The following PLCXD2 variants were observed in gnomAD, a reference collection of about 807,000 sequenced individuals.
The protein encoded by PLCXD2 is PI-PLC X domain-containing protein 2.
Under a neutral mutation model 28.6 loss-of-function variants are expected in PLCXD2, and 21 were observed. The observed-to-expected ratio is 0.73, with a 90% CI of 0.52 to 1.06. The LOEUF (loss-of-function observed/expected upper bound fraction) is 1.06. PLCXD2 is among the 50% of genes least tolerant of loss of function. The pLI is 0.00. For synonymous variants in PLCXD2, 140 were observed against 150.1 expected, an observed-to-expected ratio of 0.93 and a Z score of 0.49; for missense variants, 369 against 376.7, an observed-to-expected ratio of 0.98 and a Z score of 0.17.
intron 1 of PLCXD2, chr3:111,676,955 C>G (rs1037591134): frequency 1.3e-5 from 2 of 152,190 alleles, no homozygotes; most frequent in East Asian, 3.9e-4. Flanking sequence ...ACTCTGACCC[C>G]GTGACTGTAG....
chr3:111,681,855 T>C (rs921068154), intron 1 of PLCXD2, among the ~76,000 whole-genome samples: 1 of 152,176 alleles, frequency 6.6e-6, no homozygotes, highest in African/African-American at 2.4e-5. Flanking sequence ...TACATCTCTC[T>C]CCTGCCTCTA....
chr3:111,698,085 C>T (rs1376266919), intron 1 of PLCXD2, among the ~76,000 whole-genome samples: 1 of 152,082 alleles, frequency 6.6e-6, no homozygotes, highest in Non-Finnish European at 1.5e-5. Flanking sequence ...GGTTTCATGG[C>T]TTTATTTAAA....
chr3:111,684,315 T>G (rs1940761010), intron 1 of PLCXD2, among the ~76,000 whole-genome samples: 1 of 125,208 alleles, frequency 8.0e-6, no homozygotes, highest in Non-Finnish European at 1.6e-5. Context: ...GCTGACAGAG[T>G]GAGACTCCAT....
At chr3:111,686,037 T>G (rs1940790226) in intron 1 of PLCXD2, among the ~76,000 whole-genome samples, 1 of 152,196 alleles carries the variant, frequency 6.6e-6, no homozygotes, top group African/African-American at 2.4e-5. Context: ...AGGGAAGGTT[T>G]AGTACCCTTT....
At position 111,675,351 on chromosome 3, in the gene PLCXD2, A is replaced by T. The variant is rs780318989; in HGVS notation, c.106A>T (p.Met36Leu). Residue 36 changes from methionine to leucine, a missense_variant, in exon 1 of 5, where the codon ATG becomes TTG. Transcript: ENST00000477665. ...ATCGGAGGTCTGCAATGCCGACTGGATGGCCTCGCTCCCCCCTCACCTCCA... is the reference window on the plus strand; with the variant it reads ...ATCGGAGGTCTGCAATGCCGACTGGTTGGCCTCGCTCCCCCCTCACCTCCA... 6.2e-7 allele frequency: 1 copy of T among 1,614,112 alleles called. No homozygotes were observed. The highest frequency in any genetic ancestry group is 1.3e-5 in the African/African-American group (1 of 75,008).
At chr3:111,700,451 T>G (rs1941025166) in intron 1 of PLCXD2, among the ~76,000 whole-genome samples, 1 of 152,194 alleles carries the variant, frequency 6.6e-6, no homozygotes, top group Non-Finnish European at 1.5e-5. Flanking sequence ...AAGGAGGGAC[T>G]TGTATGTCCA....
chr3:111,700,292 A>G (rs1941023098), intron 1 of PLCXD2, among the ~76,000 whole-genome samples: 1 of 152,368 alleles, frequency 6.6e-6, no homozygotes, highest in South Asian at 2.1e-4. Flanking sequence ...AACACCGTTA[A>G]TGACTGTTGA....
chr3:111,687,118 C>T (rs1940806292), intron 1 of PLCXD2, among the ~76,000 whole-genome samples: 1 of 152,210 alleles, frequency 6.6e-6, no homozygotes, highest in Non-Finnish European at 1.5e-5. Context: ...TGTATAGATG[C>T]ATTTAGTACC....
In PLCXD2 at chr3:111,707,923, C is replaced by T. The variant is rs767519997; in HGVS notation, c.164-3C>T. ...CTTTCCTCACCTGTATTCCTTTGTA[C>T]AGGCTCACATGATTCATTCAGCTAC... On this transcript the variant is annotated splice_polypyrimidine_tract_variant and splice_region_variant and intron_variant, in intron 1 of 4. Coordinates refer to ENST00000477665, the MANE Select transcript of PLCXD2 (RefSeq NM_001185106.1). The T allele has an allele frequency of 1.9e-6, 3 of 1,611,082 alleles. No individual in the cohort carries two copies. The South Asian group carries it at 3.3e-5, about 18-fold the overall frequency.
chr3:111,708,380 C>T lies in PLCXD2; in HGVS notation c.618C>T (p.Asn206=), dbSNP rs1439053972. The change falls in exon 2 of 5, where the codon AAC becomes AAT. Residue 206 remains asparagine, a synonymous_variant. Coordinates refer to ENST00000477665, the MANE Select transcript of PLCXD2 (RefSeq NM_001185106.1). ...CGCTGCGAACTCTGTGGGAGAAGAACTGCCAGGTAGGAGGGAAGGAGAGAT... is the reference window on the plus strand; with the variant it reads ...CGCTGCGAACTCTGTGGGAGAAGAATTGCCAGGTAGGAGGGAAGGAGAGAT... The T allele has an allele frequency of 6.2e-7, 1 of 1,612,746 alleles. No individual in the cohort carries two copies. The highest frequency in any genetic ancestry group is 1.3e-5 in the African/African-American group (1 of 74,870).
chr3:111,675,071 A>G lies in PLCXD2; in HGVS notation c.-175A>G. ...GGAGGCTGGGCCGGAGAGAGTGGGGACTGTGAGTGCTAGTGGGTAAGGATC... is the reference window on the plus strand; with the variant it reads ...GGAGGCTGGGCCGGAGAGAGTGGGGGCTGTGAGTGCTAGTGGGTAAGGATC... On this transcript the variant is annotated 5_prime_UTR_variant, in exon 1 of 5. Transcript: ENST00000477665. 1 of 650,260 alleles carries G rather than the reference A, an allele frequency of 1.5e-6. No individual in the cohort carries two copies. The highest frequency in any genetic ancestry group is 2.6e-6 in the Non-Finnish European group (1 of 379,900). 40.3% of individuals were successfully genotyped at this position (650,260 alleles called of 1,614,324 possible). A position where few individuals can be genotyped will look rare whatever the true frequency, so the allele number is the denominator to read the frequency against.
rs2107868745 is a variant in PLCXD2 at position 111,714,042 on chromosome 3, C to G, written c.780C>G (p.Phe260Leu). 1 of 1,614,160 alleles carries G rather than the reference C, an allele frequency of 6.2e-7. No homozygotes were observed. The highest frequency in any genetic ancestry group is 1.6e-4 in the Middle Eastern group (1 of 6,062). ...GTGAGCGGGCCTCACGGGGCTCCTT[C>G]CATGTCTCCCAAGCGATCCTCACCC... The change falls in exon 3 of 5, where the codon TTC (phenylalanine) becomes TTG (leucine). Residue 260 changes from phenylalanine (F) to leucine (L), a missense_variant. By Grantham distance (22) the Phe-to-Leu change is conservative. Transcript: ENST00000477665.
intron 3 of PLCXD2, among the ~76,000 whole-genome samples, chr3:111,715,000 A>C (rs1279324591): frequency 1.3e-5 from 2 of 152,208 alleles, no homozygotes; most frequent in Non-Finnish European, 2.9e-5. Context: ...ATAATGAAAG[A>C]TTCATCCAAA....
In PLCXD2 at chr3:111,696,005, A is replaced by G. The variant is rs151019591; in HGVS notation, c.164-11921A>G. ...TTCAACTCTTTAAAATTGGTTAACA[A>G]CTCATGAGGTTGACATCTCTGAAAC... is the stretch of plus-strand genomic sequence containing the variant. On this transcript the variant is annotated intron_variant, in intron 1 of 4. Coordinates refer to ENST00000477665, the MANE Select transcript of PLCXD2 (RefSeq NM_001185106.1). Among the ~76,000 whole-genome samples, 842 of 152,218 alleles carry G rather than the reference A, an allele frequency of 5.5e-3. 15 individuals are homozygous for G. The highest frequency in any genetic ancestry group is 0.019 in the African/African-American group (794 of 41,538).
At chr3:111,726,118 C>T (rs1418237640) in intron 3 of PLCXD2, 13 of 371,146 alleles carry the variant, frequency 3.5e-5, no homozygotes, top group Non-Finnish European at 5.7e-5. Flanking sequence ...TGCTCACAAA[C>T]ATTAAGCCCA....
intron 1 of PLCXD2, among the ~76,000 whole-genome samples, chr3:111,683,133 C>A (rs1446742831): frequency 6.6e-6 from 1 of 152,080 alleles, no homozygotes; most frequent in Non-Finnish European, 1.5e-5. Flanking sequence ...CTCAGAAAAC[C>A]AATACCCAAT....
chr3:111,699,185 C>T (rs1158580721), intron 1 of PLCXD2, among the ~76,000 whole-genome samples: 1 of 152,162 alleles, frequency 6.6e-6, no homozygotes, highest in Non-Finnish European at 1.5e-5. Context: ...TGGGGAGTTT[C>T]TCTCTATCTT....
intron 3 of PLCXD2, 33 bp from the exon 4 acceptor site, chr3:111,720,690 C>T: frequency 7.2e-6 from 3 of 416,632 alleles, no homozygotes; most frequent in Non-Finnish European, 1.3e-5. Flanking sequence ...GTACTGTATC[C>T]ACTCTCTTCC....
intron 1 of PLCXD2, among the ~76,000 whole-genome samples, chr3:111,700,138 T>C (rs1576458874): frequency 1.3e-5 from 2 of 152,202 alleles, no homozygotes; most frequent in East Asian, 3.9e-4. Context: ...TCATGGGCAC[T>C]GGTGTTTTTT....
Sources: gnomAD v4.1 joint callset for allele counts (sites outside exome capture counted in the v4.1 genomes callset) on GRCh38, gnomAD v4.1.1 for gene constraint, MANE v1.5 for transcripts, NCBI Gene and HGNC (gene_info 2026-07-23, HGNC 2026-07-21) for gene names.